The following DLGAP1 variants were observed in gnomAD, a reference collection of about 807,000 sequenced individuals.
The protein encoded by DLGAP1 is DLG associated protein 1.
DLGAP1 carries 11 observed loss-of-function variants against 90.8 expected under a neutral mutation model. The observed-to-expected ratio is 0.12, with a 90% CI of 0.08 to 0.20. DLGAP1 has a LOEUF of 0.20. Among genes scored for constraint, DLGAP1 ranks in the 10% least tolerant of loss-of-function variants. The probability of loss-of-function intolerance (pLI) is 1.00; values close to 1 mark genes in which losing one functional copy is unlikely to be tolerated. For missense variants in DLGAP1, 1,050 were observed against 1,333.8 expected, an observed-to-expected ratio of 0.79 and a Z score of 3.31; for synonymous variants, 558 against 540.7, an observed-to-expected ratio of 1.03 and a Z score of -0.44.
chr18:4,313,330 T>C (rs1404774966), intron 1 of DLGAP1, among the ~76,000 whole-genome samples: 1 of 152,150 alleles, frequency 6.6e-6, no homozygotes, highest in Non-Finnish European at 1.5e-5. Flanking sequence ...GTGGAGACAG[T>C]TGTATCCTTA....
chr18:3,902,256 C>T (rs2071800760), intron 3 of DLGAP1, among the ~76,000 whole-genome samples: 1 of 152,082 alleles, frequency 6.6e-6, no homozygotes, highest in Non-Finnish European at 1.5e-5. Flanking sequence ...CTTTGTTTTC[C>T]TTGTTCTTTT....
At chr18:3,668,982 T>C (rs2059981874) in intron 7 of DLGAP1, among the ~76,000 whole-genome samples, 1 of 151,952 alleles carries the variant, frequency 6.6e-6, no homozygotes, top group South Asian at 2.1e-4. Context: ...AGACTCTGTC[T>C]CAAAATAAAT....
chr18:4,094,531 T>C (rs1348934087), intron 2 of DLGAP1, among the ~76,000 whole-genome samples: 2 of 151,958 alleles, frequency 1.3e-5, no homozygotes, highest in Non-Finnish European at 2.9e-5. Context: ...TCTTATTGCC[T>C]TAAATAAATT....
intron 1 of DLGAP1, among the ~76,000 whole-genome samples, chr18:4,423,876 A>G (rs1311142233): frequency 7.7e-6 from 1 of 129,924 alleles, no homozygotes; most frequent in Non-Finnish European, 1.7e-5. Context: ...AAAAAAAGTC[A>G]GGCACGTTGG....
At chr18:4,010,828 A>G (rs139639748) in intron 2 of DLGAP1, among the ~76,000 whole-genome samples, 208 of 151,582 alleles carry the variant, frequency 1.4e-3, no homozygotes, top group Non-Finnish European at 2.4e-3. Flanking sequence ...TCTACTGAGC[A>G]CCTATTTATC....
rs114764701 is a variant in DLGAP1, at chr18:3,664,271, T to C, written c.1591+64864A>G. Among the ~76,000 whole-genome samples the C allele has an allele frequency of 4.2e-3, 639 of 151,034 alleles. 3 individuals are homozygous for C. The highest frequency in any genetic ancestry group is 0.015 in the African/African-American group (608 of 40,780). On this transcript the variant is annotated intron_variant, in intron 7 of 12. Transcript: ENST00000315677. ...TACTTCTCTGGAGAACTCTGACTAA[T>C]ACACCAACTTCTAGCTGAATGTGGA...
At chr18:4,357,813 G>C (rs1239228256) in intron 1 of DLGAP1, among the ~76,000 whole-genome samples, 1 of 152,216 alleles carries the variant, frequency 6.6e-6, no homozygotes, top group East Asian at 1.9e-4. Context: ...CAGGGCCTAT[G>C]TACCACCTTA....
Position 3,581,999 on chromosome 18 carries a change from G to T in DLGAP1, c.1841C>A (p.Ala614Asp). ...AGTGTTATTGCCCATGTGTTGACTG[G>T]CAGGGCCATGGATCTGGGCGTTTGC... ...EAANAQIHGPASQHMGNNTAT... is the reference protein window; with the variant it reads ...EAANAQIHGPDSQHMGNNTAT... The change falls in exon 8 of 13, where the codon GCC becomes GAC. Residue 614 changes from alanine to aspartate, a missense_variant. Ala to Asp is a moderately radical substitution (Grantham distance 126). Coordinates refer to ENST00000315677, the MANE Select transcript of DLGAP1 (RefSeq NM_004746.4). The T allele has an allele frequency of 6.2e-7, 1 of 1,613,894 alleles. No homozygotes were observed. Among genetic ancestry groups the T allele is most frequent in the Non-Finnish European group, 8.5e-7 (1 of 1,179,988 alleles).
intron 1 of DLGAP1, among the ~76,000 whole-genome samples, chr18:4,217,101 A>G (rs1489920863): frequency 6.6e-6 from 1 of 152,018 alleles, no homozygotes; most frequent in Non-Finnish European, 1.5e-5. Context: ...ATTTTCACCT[A>G]TACCAGAATG....
rs1198535937 is a variant in DLGAP1, at chr18:4,342,798, TAGAC to T, written c.-267+112204_-267+112207del. Among the ~76,000 whole-genome samples the T allele has an allele frequency of 6.6e-6, 1 of 152,196 alleles. No homozygotes were observed. The highest frequency in any genetic ancestry group is 1.5e-5 in the Non-Finnish European group (1 of 68,024). Reference sequence around the variant, plus strand: ...ACCCCCCAAAATGAAGAATATTTAATAGACAGAAAATCTTTACAAATTTTTTGAT... The same window carrying T: ...ACCCCCCAAAATGAAGAATATTTAATAGAAAATCTTTACAAATTTTTTGAT... On this transcript the variant is annotated intron_variant, in intron 1 of 12. Coordinates refer to ENST00000315677, the MANE Select transcript of DLGAP1 (RefSeq NM_004746.4). The surrounding 1 kb of genome is among the most constrained non-coding windows in gnomAD (Gnocchi z 5.8).
intron 6 of DLGAP1, among the ~76,000 whole-genome samples, chr18:3,736,105 T>C (rs1048915015): frequency 1.3e-5 from 2 of 152,148 alleles, no homozygotes; most frequent in African/African-American, 4.8e-5. Context: ...AAACCCAACA[T>C]GTTGCCAGAG....
chr18:4,199,519 A>G (rs1343838556), intron 1 of DLGAP1, among the ~76,000 whole-genome samples: 1 of 152,198 alleles, frequency 6.6e-6, no homozygotes. Flanking sequence ...GGTCATGCCA[A>G]TGAGAGGTTG....
intron 1 of DLGAP1, among the ~76,000 whole-genome samples, chr18:4,390,735 T>C (rs1321936358): frequency 6.6e-6 from 1 of 152,216 alleles, no homozygotes; most frequent in Non-Finnish European, 1.5e-5. Context: ...CCACAGTTTA[T>C]CCATCCACTG....
chr18:3,721,226 G>C (rs979292381), intron 7 of DLGAP1, among the ~76,000 whole-genome samples: 1 of 152,188 alleles, frequency 6.6e-6, no homozygotes. Flanking sequence ...AGTCAGATCA[G>C]AATTACATTA....
intron 1 of DLGAP1, among the ~76,000 whole-genome samples, chr18:4,399,986 A>G (rs9962260): frequency 0.094 from 14,302 of 152,120 alleles, 1,213 homozygotes; most frequent in African/African-American, 0.23. Flanking sequence ...ATAAAGCCCT[A>G]AATAAAAAAA....
intron 2 of DLGAP1, among the ~76,000 whole-genome samples, chr18:4,079,557 A>T (rs999939709): frequency 3.6e-4 from 55 of 152,064 alleles, no homozygotes; most frequent in South Asian, 6.2e-4. Flanking sequence ...GGAGAAGGTA[A>T]GAGATAAAAA....
rs577511913 is a variant in DLGAP1 at position 3,871,304 on chromosome 18, G to A, written c.957+7808C>T. 3.3e-5 allele frequency among the ~76,000 whole-genome samples: 5 copies of A among 152,274 alleles called. No individual in the cohort carries two copies. The South Asian group carries it at 6.2e-4, about 19-fold the overall frequency. ...AAATAGATAGGAAGATACAATGTCC[G>A]CATTGCAGGGAGATTAGTGTGAATG... On this transcript the variant is annotated intron_variant, in intron 4 of 12. Coordinates refer to ENST00000315677, the MANE Select transcript of DLGAP1 (RefSeq NM_004746.4).
At chr18:3,835,013 T>A (rs1331485686) in intron 4 of DLGAP1, among the ~76,000 whole-genome samples, 1 of 152,150 alleles carries the variant, frequency 6.6e-6, no homozygotes, top group Non-Finnish European at 1.5e-5. Context: ...CATTACAGAT[T>A]ATATTTTGCT....
intron 2 of DLGAP1, among the ~76,000 whole-genome samples, chr18:4,142,278 A>G (rs1160224267): frequency 6.6e-6 from 1 of 152,186 alleles, no homozygotes; most frequent in Non-Finnish European, 1.5e-5. Context: ...CTTCTTTCAG[A>G]GAGTAGTTAA....
Sources: allele counts gnomAD v4.1 joint callset (sites outside exome capture counted in the v4.1 genomes callset), GRCh38; gene constraint gnomAD v4.1.1; non-coding constraint Gnocchi (gnomAD v3.1); transcripts MANE v1.5; gene names NCBI Gene and HGNC (gene_info 2026-07-23, HGNC 2026-07-21).